IL21R: variants seen among roughly 807,000 people sequenced by gnomAD.
IL21R encodes interleukin 21 receptor.
Under a neutral mutation model 41.3 loss-of-function variants are expected in IL21R, and 14 were observed. That is an observed-to-expected ratio of 0.34 (90% confidence interval 0.22 to 0.53). IL21R has a LOEUF of 0.53. IL21R is among the 20% of genes least tolerant of loss of function. The pLI, the probability that IL21R is intolerant of heterozygous loss-of-function variation, is 0.94. For synonymous variants in IL21R, 286 were observed against 287.6 expected, an observed-to-expected ratio of 0.99 and a Z score of 0.05; for missense variants, 588 against 681.6, an observed-to-expected ratio of 0.86 and a Z score of 1.53.
chr16:27,448,332 G>C, intron 8 of IL21R: 1 of 570,880 alleles, frequency 1.8e-6, no homozygotes. Flanking sequence ...ACAGGCGCCT[G>C]TAGTCCCAGC....
intron 4 of IL21R, among the ~76,000 whole-genome samples, chr16:27,440,909 G>C (rs1232831065): frequency 1.3e-5 from 2 of 151,976 alleles, no homozygotes; most frequent in Admixed American, 1.3e-4. Flanking sequence ...AAATTAGCCA[G>C]TCATGGTGGT....
intron 1 of IL21R, among the ~76,000 whole-genome samples, chr16:27,407,765 C>T (rs1236552739): frequency 6.6e-6 from 1 of 152,206 alleles, no homozygotes; most frequent in East Asian, 1.9e-4. Flanking sequence ...GCGGAGGTTG[C>T]AGTGAGCCAA....
At chr16:27,426,885 A>G (rs1333899150) in intron 1 of IL21R, among the ~76,000 whole-genome samples, 1 of 152,168 alleles carries the variant, frequency 6.6e-6, no homozygotes, top group Non-Finnish European at 1.5e-5. Flanking sequence ...TGATTAAGCA[A>G]CATAGGTGGT....
At chr16:27,441,428 C>T (rs2087387053) in intron 4 of IL21R, among the ~76,000 whole-genome samples, 1 of 152,228 alleles carries the variant, frequency 6.6e-6, no homozygotes, top group Non-Finnish European at 1.5e-5. Flanking sequence ...GCTGTTATGG[C>T]TCAGAGCTCG....
At position 27,403,180 on chromosome 16, in the gene IL21R, C is replaced by T. The variant is rs564984277; in HGVS notation, c.-17+562C>T. ...CAAGCCAGGTGACCCCATGAGCTGT[C>T]GCTGCATCTTTCTCATGAAGCACGG... On this transcript the variant is annotated intron_variant, in intron 1 of 8. Coordinates refer to ENST00000337929, the MANE Select transcript of IL21R (RefSeq NM_181078.3). 31 of 1,334,118 alleles carry T rather than the reference C, an allele frequency of 2.3e-5. 2 individuals carry two copies. The highest frequency in any genetic ancestry group is 1.8e-4 in the African/African-American group (12 of 68,304). The allele number at this position is 1,334,118 out of a possible 1,614,324, so 82.6% of individuals were successfully genotyped here.
chr16:27,438,086 G>A (rs1258630234), intron 4 of IL21R, among the ~76,000 whole-genome samples: 2 of 152,112 alleles, frequency 1.3e-5, no homozygotes, highest in Non-Finnish European at 2.9e-5. Flanking sequence ...GTTGATAATA[G>A]GTTTGAGAGG....
Position 27,432,168 on chromosome 16 carries a change from G to A in IL21R, c.49+2048G>A, listed in dbSNP as rs151039723. On this transcript the variant is annotated intron_variant, in intron 2 of 8. Transcript: ENST00000337929. ...ACTGAGTTTCTGGGGAGACACAGAC[G>A]TCAAACCGTAGCACGGCCTTCACCA... Among the ~76,000 whole-genome samples, 76 of 152,334 alleles carry A rather than the reference G, an allele frequency of 5.0e-4. 1 individual carries two copies. Among genetic ancestry groups the A allele is most frequent in the African/African-American group, 1.7e-3 (71 of 41,576 alleles).
intron 1 of IL21R, among the ~76,000 whole-genome samples, chr16:27,409,225 A>G (rs1207528435): frequency 6.8e-6 from 1 of 147,398 alleles, no homozygotes; most frequent in Non-Finnish European, 1.5e-5. Context: ...TATATTTTAT[A>G]AATATATATA....
chr16:27,444,643 G>A lies in IL21R; in HGVS notation c.609G>A (p.Gly203=), dbSNP rs755926054. Residue 203 remains glycine, a synonymous_variant, in exon 6 of 9, where the codon GGG becomes GGA. Transcript: ENST00000337929. ...DSSYELQVRA[G]PMPGSSYQGT... ...GCTATGAGCTGCAGGTGCGGGCAGG[G>A]CCCATGCCTGGCTCCTCCTACCAGG... 1.3e-5 allele frequency: 20 copies of A among 1,586,040 alleles called. No individual in the cohort carries two copies. The Admixed American group carries it at 2.0e-4, about 16-fold the overall frequency.
intron 1 of IL21R, among the ~76,000 whole-genome samples, chr16:27,415,359 T>C (rs2086881700): frequency 6.6e-6 from 1 of 152,168 alleles, no homozygotes; most frequent in African/African-American, 2.4e-5. Context: ...TAACAGGAGA[T>C]TAAACGTGGC....
rs529897869 is a variant in IL21R, at chr16:27,409,551, TAAG to T, written c.-17+6934_-17+6936del. ...CTGTAGTTTATTTTTCTGTATGGTG[TAAG>T]GTAGGGGTCAAGGTTTACTTTTTCC... is the stretch of plus-strand genomic sequence containing the variant. On this transcript the variant is annotated intron_variant, in intron 1 of 8. Transcript: ENST00000337929. 2.2e-3 allele frequency among the ~76,000 whole-genome samples: 328 copies of T among 152,224 alleles called. 2 individuals carry two copies. The highest frequency in any genetic ancestry group is 7.6e-3 in the African/African-American group (316 of 41,554).
chr16:27,449,619 A>T lies in IL21R; in HGVS notation c.*336A>T. On this transcript the variant is annotated 3_prime_UTR_variant, in exon 9 of 9. Transcript: ENST00000337929. ...AGCTCACCCATGTGCACAAGTGTGC[A>T]CAGTAAACGTGTTTGTGGTCAACAG... 1 of 355,148 alleles carries T rather than the reference A, an allele frequency of 2.8e-6. No individual in the cohort carries two copies. The highest frequency in any genetic ancestry group is 5.1e-6 in the Non-Finnish European group (1 of 194,572). The allele number at this position is 355,148 out of a possible 1,614,324, so 22.0% of individuals were successfully genotyped here. A position where few individuals can be genotyped will look rare whatever the true frequency, so the allele number is the denominator to read the frequency against.
chr16:27,412,851 G>A (rs892927747), intron 1 of IL21R, among the ~76,000 whole-genome samples: 3 of 152,144 alleles, frequency 2.0e-5, no homozygotes, highest in East Asian at 1.9e-4. Context: ...CTTAATTCAT[G>A]TATTAGTTCT....
At chr16:27,428,263 C>T (rs1354215756) in intron 1 of IL21R, among the ~76,000 whole-genome samples, 7 of 152,220 alleles carry the variant, frequency 4.6e-5, no homozygotes, top group South Asian at 2.1e-4. Flanking sequence ...GGGACTGGCC[C>T]GGAGCCACAC....
Position 27,449,937 on chromosome 16 carries a change from G to A in IL21R, c.*654G>A, listed in dbSNP as rs2087561297. 2 of 233,426 alleles carry A rather than the reference G, an allele frequency of 8.6e-6. No individual in the cohort carries two copies. 14.5% of individuals were successfully genotyped at this position (233,426 alleles called of 1,614,324 possible). A position where few individuals can be genotyped will look rare whatever the true frequency, so the allele number is the denominator to read the frequency against. On this transcript the variant is annotated 3_prime_UTR_variant, in exon 9 of 9. Coordinates refer to ENST00000337929, the MANE Select transcript of IL21R (RefSeq NM_181078.3). The stretch of plus-strand genomic sequence containing the variant: ...CTTCTGGCTGTGCTACCTGAGCCAA[G>A]TCGCCTCCCCTCTCTGGGCTAGAGT...
At chr16:27,417,211 G>C (rs866026355) in intron 1 of IL21R, among the ~76,000 whole-genome samples, 46 of 144,576 alleles carry the variant, frequency 3.2e-4, no homozygotes, top group African/African-American at 1.1e-3. Context: ...ACCCAGGCTG[G>C]ACTGCAATGG....
At chr16:27,438,946 GTGTGTGTGTA>G (rs2087321916) in intron 4 of IL21R, among the ~76,000 whole-genome samples, 1 of 152,042 alleles carries the variant, frequency 6.6e-6, no homozygotes, top group Non-Finnish European at 1.5e-5. Flanking sequence ...GTGTGTGTGT[GTGTGTGTGTA>G]TGTGTGTACC....
intron 1 of IL21R, among the ~76,000 whole-genome samples, chr16:27,409,283 C>CAT (rs3084617): frequency 2.1e-5 from 3 of 145,552 alleles, no homozygotes; most frequent in Middle Eastern, 3.4e-3. Context: ...TATAAATTTA[C>CAT]ATATATATAT....
intron 1 of IL21R, among the ~76,000 whole-genome samples, chr16:27,406,319 G>A (rs1357545548): frequency 4.6e-5 from 7 of 152,264 alleles, no homozygotes; most frequent in East Asian, 1.9e-4. Flanking sequence ...TGCAGAGGCT[G>A]AGAGATTGCA....
Sources: allele counts gnomAD v4.1 joint callset (sites outside exome capture counted in the v4.1 genomes callset), GRCh38; gene constraint gnomAD v4.1.1; transcripts MANE v1.5; gene names NCBI Gene and HGNC (gene_info 2026-07-23, HGNC 2026-07-21).